The following SLC7A8 variants were observed in gnomAD, a reference collection of about 807,000 sequenced individuals.
SLC7A8 encodes the protein solute carrier family 7 member 8, also known as large neutral amino acids transporter small subunit 2.
SLC7A8 carries 30 observed loss-of-function variants against 51.2 expected under a neutral mutation model. The ratio of observed to expected loss-of-function variants is 0.59; its 90% CI spans 0.44 to 0.80. The LOEUF (loss-of-function observed/expected upper bound fraction) is 0.80. SLC7A8 is among the 30% of genes least tolerant of loss of function. The pLI is 0.00. For missense variants in SLC7A8, 612 were observed against 674.4 expected (o/e 0.91, Z 1.03); for synonymous variants, 257 against 275.8 (o/e 0.93, Z 0.67).
At chr14:23,136,081 G>C (rs1044029253) in intron 7 of SLC7A8, among the ~76,000 whole-genome samples, 2 of 151,508 alleles carry the variant, frequency 1.3e-5, no homozygotes, top group African/African-American at 4.9e-5. Context: ...AGCACACTGG[G>C]AGTTCAGAGG....
At chr14:23,141,257 G>C (rs115699282) in intron 4 of SLC7A8, among the ~76,000 whole-genome samples, 1 of 151,986 alleles carries the variant, frequency 6.6e-6, no homozygotes, top group Non-Finnish European at 1.5e-5. Flanking sequence ...TGCACTCCAG[G>C]GTGGATGACA....
At chr14:23,129,476 G>A in intron 9 of SLC7A8, 174 bp downstream of exon 9, 1 of 657,266 alleles carries the variant, frequency 1.5e-6, no homozygotes, top group Non-Finnish European at 2.6e-6. Context: ...CATCCCCAGT[G>A]GAGAATGGAA....
intron 9 of SLC7A8, chr14:23,129,274 C>T (rs2048609130): frequency 5.8e-6 from 1 of 173,756 alleles, no homozygotes; most frequent in Admixed American, 5.9e-5. Context: ...AGGAGGAAGT[C>T]ATTCTGGGAT....
chr14:23,141,607 G>A (rs2048746047), intron 4 of SLC7A8, among the ~76,000 whole-genome samples: 1 of 75,988 alleles, frequency 1.3e-5, no homozygotes, highest in African/African-American at 3.0e-5. Context: ...ATGCCACCAT[G>A]CCTGGCTAAT....
intron 3 of SLC7A8, chr14:23,155,066 TA>T: frequency 1.1e-6 from 1 of 952,160 alleles, no homozygotes; most frequent in Non-Finnish European, 1.5e-6. Context: ...CCAGCTTCTA[TA>T]AAGTGCACAG....
At chr14:23,154,723 C>T (rs2048877346) in intron 3 of SLC7A8, among the ~76,000 whole-genome samples, 7 of 152,130 alleles carry the variant, frequency 4.6e-5, no homozygotes, top group Admixed American at 4.6e-4. Flanking sequence ...AACAGTCTTT[C>T]CTCGTCAAAG....
In SLC7A8 at chr14:23,125,720, CCAGTTTAAGCAGA is replaced by C. The variant is rs1371657639; in HGVS notation, c.*1444_*1456del. On this transcript the variant is annotated 3_prime_UTR_variant, in exon 11 of 11. Transcript: ENST00000316902. ...AGGCCAGGAAGGGCTCCTGTGTATT[CCAGTTTAAGCAGA>C]CAGAATTCGGGGTGGGGGAGAGAAT... 1 of 152,594 alleles carries C rather than the reference CCAGTTTAAGCAGA, an allele frequency of 6.6e-6. No homozygotes were observed. Among genetic ancestry groups the C allele is most frequent in the African/African-American group, 2.4e-5 (1 of 41,414 alleles). The allele number at this position is 152,594 out of a possible 1,614,324, so 9.5% of individuals were successfully genotyped here.
chr14:23,152,346 G>A (rs1315163442), intron 3 of SLC7A8, among the ~76,000 whole-genome samples: 1 of 152,018 alleles, frequency 6.6e-6, no homozygotes, highest in Non-Finnish European at 1.5e-5. Context: ...GCCCAGGCTG[G>A]TCTTGAACTC....
chr14:23,165,335 G>C lies in SLC7A8; in HGVS notation c.458C>G (p.Thr153Ser). Residue 153 changes from threonine (T) to serine (S), a missense_variant, in exon 3 of 11, where the codon ACC becomes AGC. Thr to Ser is a moderately conservative substitution (Grantham distance 58, BLOSUM62 1). Transcript: ENST00000316902. This position sits in a 1 kb window ranked among gnomAD's most constrained non-coding sequence, Gnocchi z 4.2. The stretch of plus-strand genomic sequence containing the variant: ...AAGGCCAGACTCTGGGGGGAAGCAG[G>C]TGGGGAAGAGCGGCTGCAGCACGTA... ...SNYVLQPLFP[T>S]CFPPESGLRL... is the part of the protein sequence containing the mutation. The C allele has an allele frequency of 6.2e-7, 1 of 1,606,612 alleles. No homozygotes were observed. The highest frequency in any genetic ancestry group is 8.5e-7 in the Non-Finnish European group (1 of 1,177,190).
rs933472783 is a variant in SLC7A8, at chr14:23,128,790, T to C, written c.1264-594A>G. Among the ~76,000 whole-genome samples the C allele has an allele frequency of 7.2e-5, 11 of 152,220 alleles. No homozygotes were observed. The highest frequency in any genetic ancestry group is 2.4e-4 in the African/African-American group (10 of 41,466). On this transcript the variant is annotated intron_variant, in intron 9 of 10. Coordinates refer to ENST00000316902, the MANE Select transcript of SLC7A8 (RefSeq NM_012244.4). The surrounding 1 kb of genome is among the most constrained non-coding windows in gnomAD (Gnocchi z 4.3). Reference sequence around the variant, plus strand: ...GATTCGGCTGCCTTTCTCTTCCTTGTCTTCCTCGCTCAGAAGGGATGTGTG... The same window carrying C: ...GATTCGGCTGCCTTTCTCTTCCTTGCCTTCCTCGCTCAGAAGGGATGTGTG...
rs1056999218 is a variant in SLC7A8 at position 23,182,859 on chromosome 14, C to A, written c.56G>T (p.Gly19Val). The A allele has an allele frequency of 4.3e-6, 7 of 1,613,976 alleles. No individual in the cohort carries two copies. The African/African-American group carries it at 9.3e-5, about 22-fold the overall frequency. Residue 19 changes from glycine to valine, a missense_variant, in exon 1 of 11, where the codon GGC (glycine) becomes GTC (valine). By Grantham distance (109) the Gly-to-Val change is moderately radical (BLOSUM62 -3). Coordinates refer to ENST00000316902, the MANE Select transcript of SLC7A8 (RefSeq NM_012244.4). ...NNTEKKHPGG[G>V]ESDASPEAGS... ...AGCCTCGGGGCTGGCGTCCGACTCG[C>A]CCCCACCTGGGTGTTTCTTTTCGGT...
intron 3 of SLC7A8, among the ~76,000 whole-genome samples, chr14:23,157,244 C>G (rs1484133245): frequency 6.6e-6 from 1 of 152,224 alleles, no homozygotes; most frequent in Non-Finnish European, 1.5e-5. Context: ...CAACCTTAAT[C>G]ACCAAGGCCT....
chr14:23,140,854 C>T (rs755297718), intron 4 of SLC7A8, among the ~76,000 whole-genome samples: 3 of 152,166 alleles, frequency 2.0e-5, no homozygotes, highest in Non-Finnish European at 2.9e-5. Context: ...GTTTAAGTGC[C>T]GTTCTGAATG....
intron 8 of SLC7A8, among the ~76,000 whole-genome samples, chr14:23,130,985 G>T (rs59707512): frequency 0.044 from 6,703 of 151,938 alleles, 455 homozygotes; most frequent in African/African-American, 0.14. Flanking sequence ...ATTATTTTTC[G>T]TATTTGGTGT....
intron 1 of SLC7A8, among the ~76,000 whole-genome samples, chr14:23,171,417 C>CT (rs2048974732): frequency 6.6e-6 from 1 of 152,202 alleles, no homozygotes; most frequent in Admixed American, 6.5e-5. Context: ...TAATCACTAA[C>CT]TCCCCCATCT....
intron 1 of SLC7A8, among the ~76,000 whole-genome samples, chr14:23,176,803 G>A (rs988015723): frequency 1.3e-5 from 2 of 151,914 alleles, no homozygotes; most frequent in Admixed American, 6.6e-5. Context: ...TTAGCTGAGC[G>A]TGGTAGCTCG....
intron 6 of SLC7A8, 143 bp from the exon 7 acceptor site, chr14:23,138,167 TC>T: frequency 2.1e-5 from 22 of 1,031,994 alleles, no homozygotes; most frequent in Non-Finnish European, 3.1e-5. Flanking sequence ...GCCCCCACCC[TC>T]TCAAGGGTGG....
In SLC7A8 at chr14:23,178,885, C is replaced by CAAA. The variant is rs386380884; in HGVS notation, c.151+3876_151+3878dup. Among the ~76,000 whole-genome samples, 526 of 78,500 alleles carry CAAA rather than the reference C, an allele frequency of 6.7e-3. 4 individuals are homozygous for CAAA. The highest frequency in any genetic ancestry group is 0.023 in the East Asian group (61 of 2,644). 51.5% of individuals were successfully genotyped at this position (78,500 alleles called of 152,430 possible). ...GGTTAACAGAGTGAGATCTTGTCTC[C>CAAA]AAAAAAAAAAAAAAAAAAAAAAAAT... On this transcript the variant is annotated intron_variant, in intron 1 of 10. Coordinates refer to ENST00000316902, the MANE Select transcript of SLC7A8 (RefSeq NM_012244.4).
intron 3 of SLC7A8, among the ~76,000 whole-genome samples, chr14:23,145,271 G>A (rs537087640): frequency 1.3e-5 from 2 of 151,030 alleles, no homozygotes; most frequent in African/African-American, 2.4e-5. Context: ...GCTCACGCTT[G>A]TAATCCCAGC....
Sources: allele counts gnomAD v4.1 joint callset (sites outside exome capture counted in the v4.1 genomes callset), GRCh38; gene constraint gnomAD v4.1.1; non-coding constraint Gnocchi (gnomAD v3.1); transcripts MANE v1.5; gene names NCBI Gene and HGNC (gene_info 2026-07-23, HGNC 2026-07-21).